RALA: variants seen among roughly 807,000 people sequenced by gnomAD.
RALA encodes the protein ras-related protein Ral-A.
Under a neutral mutation model 24.0 loss-of-function variants are expected in RALA, and 5 were observed. The observed-to-expected ratio is 0.21, with a 90% CI of 0.11 to 0.44. The LOEUF (loss-of-function observed/expected upper bound fraction) is 0.44, where lower values mean the gene tolerates loss of function less well. RALA is among the 20% of genes least tolerant of loss of function. The probability of loss-of-function intolerance (pLI) is 0.99; values close to 1 mark genes in which losing one functional copy is unlikely to be tolerated. For missense variants in RALA, 95 were observed against 241.2 expected (o/e 0.39, Z 4.01); for synonymous variants, 77 against 83.8 (o/e 0.92, Z 0.44).
At chr7:39,667,815 T>C (rs6967563) in intron 1 of RALA, among the ~76,000 whole-genome samples, 35,561 of 152,128 alleles carry the variant, frequency 0.23, 5,045 homozygotes, top group African/African-American at 0.36. Context: ...CAGGGTAAAC[T>C]CTATTCTTTT....
intron 1 of RALA, among the ~76,000 whole-genome samples, chr7:39,655,685 C>T (rs1410425474): frequency 1.3e-5 from 2 of 151,976 alleles, no homozygotes; most frequent in Non-Finnish European, 2.9e-5. Context: ...TTGTTGTAAA[C>T]TCACTTCAAG....
chr7:39,632,277 A>C (rs1583703242), intron 1 of RALA, among the ~76,000 whole-genome samples: 1 of 152,176 alleles, frequency 6.6e-6, no homozygotes, highest in African/African-American at 2.4e-5. Context: ...GTCATCTGTA[A>C]ATAGTTTTTT....
rs955485767 is a variant in RALA, at chr7:39,678,966, T to TA, written c.-37-7656dup. On this transcript the variant is annotated intron_variant, in intron 1 of 4. Coordinates refer to ENST00000005257, the MANE Select transcript of RALA (RefSeq NM_005402.4). Reference sequence around the variant, plus strand: ...CACAGACAACCTTGTGTTACCATTTTAAAAAAAAATCCTTCCAAATATATG... The same window carrying TA: ...CACAGACAACCTTGTGTTACCATTTTAAAAAAAAAATCCTTCCAAATATATG... Among the ~76,000 whole-genome samples, 39 of 151,596 alleles carry TA rather than the reference T, an allele frequency of 2.6e-4. No individual in the cohort carries two copies. In the East Asian group the frequency reaches 6.6e-3, roughly 26 times the overall value.
chr7:39,681,044 A>T (rs1792587715), intron 1 of RALA, among the ~76,000 whole-genome samples: 1 of 152,054 alleles, frequency 6.6e-6, no homozygotes, highest in Admixed American at 6.6e-5. Flanking sequence ...TGCTCCTGTT[A>T]TGTTCCAGGT....
intron 1 of RALA, among the ~76,000 whole-genome samples, chr7:39,630,106 C>T (rs545227786): frequency 4.0e-5 from 6 of 151,868 alleles, no homozygotes; most frequent in Non-Finnish European, 5.9e-5. Context: ...TGCAATGGTG[C>T]GATCACAGCT....
intron 1 of RALA, among the ~76,000 whole-genome samples, chr7:39,649,444 C>A (rs188188383): frequency 6.6e-6 from 1 of 152,144 alleles, no homozygotes; most frequent in African/African-American, 2.4e-5. Flanking sequence ...GATTAGTTCA[C>A]GAGCGCAGAG....
chr7:39,637,436 G>A (rs773002105), intron 1 of RALA, among the ~76,000 whole-genome samples: 1 of 152,126 alleles, frequency 6.6e-6, no homozygotes, highest in Non-Finnish European at 1.5e-5. Context: ...AAAGATTTTA[G>A]CACCAATTCA....
At chr7:39,644,225 G>A (rs1293345331) in intron 1 of RALA, among the ~76,000 whole-genome samples, 1 of 149,340 alleles carries the variant, frequency 6.7e-6, no homozygotes, top group South Asian at 2.1e-4. Flanking sequence ...TAATTTGTAT[G>A]TGTTAAGAGT....
chr7:39,701,629 T>A (rs900917876), intron 4 of RALA, among the ~76,000 whole-genome samples: 3 of 152,220 alleles, frequency 2.0e-5, no homozygotes, highest in Non-Finnish European at 1.5e-5. Flanking sequence ...TTCCTTTTAT[T>A]AAATTGTGAA....
chr7:39,635,807 A>G (rs1406131777), intron 1 of RALA, among the ~76,000 whole-genome samples: 1 of 152,172 alleles, frequency 6.6e-6, no homozygotes, highest in East Asian at 1.9e-4. Flanking sequence ...CTCAGGCAGT[A>G]ATGCTTGCTC....
At chr7:39,691,924 A>G (rs991466965) in intron 3 of RALA, among the ~76,000 whole-genome samples, 3 of 152,236 alleles carry the variant, frequency 2.0e-5, no homozygotes, top group African/African-American at 7.2e-5. Context: ...TGTTATCACC[A>G]TAGTCACCAA....
chr7:39,629,743 G>A (rs1448731282), intron 1 of RALA, among the ~76,000 whole-genome samples: 6 of 151,810 alleles, frequency 4.0e-5, no homozygotes, highest in South Asian at 2.1e-4. Context: ...CTACAGGCGC[G>A]TGCCACCACG....
chr7:39,701,742 A>T (rs1793031025), intron 4 of RALA, among the ~76,000 whole-genome samples: 1 of 152,198 alleles, frequency 6.6e-6, no homozygotes, highest in East Asian at 1.9e-4. Flanking sequence ...TGGAAGTTTC[A>T]AAGATGCAGA....
intron 1 of RALA, among the ~76,000 whole-genome samples, chr7:39,662,318 C>T (rs900429145): frequency 3.3e-5 from 5 of 152,250 alleles, no homozygotes; most frequent in East Asian, 1.9e-4. Flanking sequence ...CATTTGGCTC[C>T]GCAGATTTCT....
rs893388446 is a variant in RALA, at chr7:39,686,841, T to C, written c.114+60T>C. On this transcript the variant is annotated intron_variant, in intron 2 of 4. Coordinates refer to ENST00000005257, the MANE Select transcript of RALA (RefSeq NM_005402.4). The stretch of plus-strand genomic sequence containing the variant: ...GCTTTCAGAGAGTATTTCCCTAGCT[T>C]AGTTTTGGTGCTATTTTGTATGGAT... The C allele has an allele frequency of 1.5e-5, 19 of 1,284,396 alleles. 1 individual carries two copies. The highest frequency in any genetic ancestry group is 1.5e-4 in the South Asian group (12 of 81,300). 79.6% of individuals were successfully genotyped at this position (1,284,396 alleles called of 1,614,324 possible).
chr7:39,636,566 A>C (rs999779457), intron 1 of RALA, among the ~76,000 whole-genome samples: 8 of 152,188 alleles, frequency 5.3e-5, no homozygotes, highest in African/African-American at 1.9e-4. Context: ...AAAAACTATA[A>C]ACATGACTTT....
At chr7:39,697,123 T>C (rs564237379) in intron 4 of RALA, among the ~76,000 whole-genome samples, 1 of 152,256 alleles carries the variant, frequency 6.6e-6, no homozygotes, top group African/African-American at 2.4e-5. Flanking sequence ...CTGACTTTTT[T>C]CCCCCCTTAT....
At chr7:39,704,525 C>T (rs919792299) in intron 4 of RALA, among the ~76,000 whole-genome samples, 3 of 151,898 alleles carry the variant, frequency 2.0e-5, no homozygotes, top group South Asian at 2.1e-4. Context: ...TCTATGTTGG[C>T]CAGGCTGGTC....
chr7:39,647,092 G>C (rs1791938560), intron 1 of RALA, among the ~76,000 whole-genome samples: 1 of 152,022 alleles, frequency 6.6e-6, no homozygotes, highest in African/African-American at 2.4e-5. Context: ...ACCCAGGCTG[G>C]AGTGCAGTGG....
Sources: allele counts gnomAD v4.1 joint callset (sites outside exome capture counted in the v4.1 genomes callset), GRCh38; gene constraint gnomAD v4.1.1; transcripts MANE v1.5; gene names NCBI Gene and HGNC (gene_info 2026-07-23, HGNC 2026-07-21).